Variants in ISM1 observed in about 807,000 individuals in gnomAD.
The protein encoded by ISM1 is isthmin-1.
ISM1 carries 25 observed loss-of-function variants against 46.3 expected under a neutral mutation model. The observed-to-expected ratio is 0.54, with a 90% confidence interval of 0.39 to 0.75. The LOEUF is 0.75. ISM1 is among the 30% of genes least tolerant of loss of function. ISM1 has a pLI of 0.00. For missense variants in ISM1, 536 were observed against 625.4 expected (o/e 0.86, Z 1.52); for synonymous variants, 255 against 256.7 (o/e 0.99, Z 0.06).
the ISM1 span, among the ~76,000 whole-genome samples, chr20:13,312,269 A>C: frequency 6.6e-6 from 1 of 152,166 alleles, no homozygotes; most frequent in South Asian, 2.1e-4. Context: ...TGCACATGTG[A>C]GTTCACAGCC....
At chr20:13,307,410 G>A in the ISM1 span, among the ~76,000 whole-genome samples, 1 of 152,106 alleles carries the variant, frequency 6.6e-6, no homozygotes, top group African/African-American at 2.4e-5. Context: ...AGAAAAAACA[G>A]AATATAAGGC....
rs1374183452 is a variant in ISM1 at position 13,221,556 on chromosome 20, G to A, written c.-221G>A. On this transcript the variant is annotated 5_prime_UTR_variant, in exon 1 of 6. Coordinates refer to ENST00000262487, the MANE Select transcript of ISM1 (RefSeq NM_080826.2). Reference sequence around the variant, plus strand: ...CTCGCGGTGGCTCCGCCGTGGTGCGGCGGCGGCGGCGGCGGCGGCGCCGGC... The same window carrying A: ...CTCGCGGTGGCTCCGCCGTGGTGCGACGGCGGCGGCGGCGGCGGCGCCGGC... 3.0e-4 allele frequency among the ~76,000 whole-genome samples: 43 copies of A among 144,416 alleles called. No individual in the cohort carries two copies. The highest frequency in any genetic ancestry group is 1.0e-3 in the African/African-American group (42 of 40,400). The allele number at this position is 144,416 out of a possible 152,430, so 94.7% of individuals were successfully genotyped here. A position where few individuals can be genotyped will look rare whatever the true frequency, so the allele number is the denominator to read the frequency against.
chr20:13,224,269 T>C (rs1026519776), intron 1 of ISM1, among the ~76,000 whole-genome samples: 3 of 152,206 alleles, frequency 2.0e-5, no homozygotes, highest in African/African-American at 7.2e-5. Context: ...AAAAGTTTTA[T>C]ACTCTTCCTG....
chr20:13,224,747 T>C lies in ISM1; in HGVS notation c.138+2833T>C, dbSNP rs542416960. 2.6e-5 allele frequency among the ~76,000 whole-genome samples: 4 copies of C among 152,194 alleles called. No individual in the cohort carries two copies. The East Asian group carries it at 7.7e-4, about 29-fold the overall frequency. The stretch of plus-strand genomic sequence containing the variant: ...ATATCAAGGACGCCCAATAAAGTAG[T>C]AGTAAGAAAAGCAACAATAATAGTT... On this transcript the variant is annotated intron_variant, in intron 1 of 5. Coordinates refer to ENST00000262487, the MANE Select transcript of ISM1 (RefSeq NM_080826.2).
chr20:13,278,099 G>A (rs544785146), intron 2 of ISM1, among the ~76,000 whole-genome samples: 1 of 152,278 alleles, frequency 6.6e-6, no homozygotes, highest in Admixed American at 6.5e-5. Context: ...GCATGTTTCT[G>A]ATTCATTTGC....
At chr20:13,315,619 T>C in the ISM1 span, among the ~76,000 whole-genome samples, 14 of 152,112 alleles carry the variant, frequency 9.2e-5, no homozygotes, top group African/African-American at 2.4e-4. Flanking sequence ...TCCCTCATAG[T>C]TGAACTCAAC....
chr20:13,322,128 T>C, the ISM1 span, among the ~76,000 whole-genome samples: 14 of 152,242 alleles, frequency 9.2e-5, no homozygotes, highest in African/African-American at 3.4e-4. Context: ...CATTTTTTAA[T>C]GTCGTAAAGA....
downstream of ISM1, among the ~76,000 whole-genome samples, chr20:13,302,418 G>A (rs2040465962): frequency 6.6e-6 from 1 of 152,132 alleles, no homozygotes; most frequent in Admixed American, 6.5e-5. Flanking sequence ...ATGCTTTAGT[G>A]GGCCAATGAG....
At chr20:13,232,127 A>T (rs1320225793) in intron 1 of ISM1, among the ~76,000 whole-genome samples, 1 of 152,218 alleles carries the variant, frequency 6.6e-6, no homozygotes, top group Non-Finnish European at 1.5e-5. Context: ...CAGGAGGAGA[A>T]GAGTGGCAGT....
intron 1 of ISM1, chr20:13,239,582 G>A (rs552052974): frequency 6.6e-6 from 1 of 152,282 alleles, no homozygotes; most frequent in South Asian, 2.1e-4. Flanking sequence ...CACATGACAG[G>A]TACTCACATA....
Position 13,299,187 on chromosome 20 carries a change from C to T in ISM1, c.1123C>T (p.Leu375=). The change falls in exon 6 of 6, where the codon CTG becomes TTG. Residue 375 remains leucine, a synonymous_variant. Transcript: ENST00000262487. The surrounding 1 kb of genome is among the most constrained non-coding windows in gnomAD (Gnocchi z 5.8). The part of the protein sequence containing the change: ...ARYCIRSMLS[L]ESTTLAAQHC... ...GTACTGCATCCGCTCCATGCTGTCC[C>T]TGGAGAGCACCACGCTGGCGGCACA... 1 of 1,606,184 alleles carries T rather than the reference C, an allele frequency of 6.2e-7. No individual in the cohort carries two copies. The highest frequency in any genetic ancestry group is 1.1e-5 in the South Asian group (1 of 89,834).
At chr20:13,257,794 G>A (rs1394030795) in intron 1 of ISM1, among the ~76,000 whole-genome samples, 1 of 151,976 alleles carries the variant, frequency 6.6e-6, no homozygotes, top group African/African-American at 2.4e-5. Flanking sequence ...ACAGTGTACT[G>A]TGGGCCAGTG....
intron 3 of ISM1, among the ~76,000 whole-genome samples, chr20:13,280,188 C>T (rs888206236): frequency 1.3e-5 from 2 of 151,328 alleles, no homozygotes; most frequent in Non-Finnish European, 2.9e-5. Flanking sequence ...CCTCAAATTT[C>T]AGTTTTATTT....
chr20:13,266,223 T>C (rs934699235), intron 1 of ISM1, among the ~76,000 whole-genome samples: 3 of 152,114 alleles, frequency 2.0e-5, no homozygotes, highest in African/African-American at 4.8e-5. Flanking sequence ...GGACTAGACA[T>C]TGGGCAGGCA....
At chr20:13,232,300 T>G (rs958574639) in intron 1 of ISM1, among the ~76,000 whole-genome samples, 3 of 152,224 alleles carry the variant, frequency 2.0e-5, no homozygotes, top group Non-Finnish European at 4.4e-5. Flanking sequence ...TTCCTTGTGC[T>G]CCTCTGTGAG....
chr20:13,318,206 T>C, the ISM1 span, among the ~76,000 whole-genome samples: 4 of 151,494 alleles, frequency 2.6e-5, 1 homozygote, highest in African/African-American at 9.7e-5. Flanking sequence ...AAAGAAGATA[T>C]ACAGATGGCA....
intron 2 of ISM1, among the ~76,000 whole-genome samples, chr20:13,273,167 C>T (rs1431787716): frequency 6.7e-6 from 1 of 148,980 alleles, no homozygotes; most frequent in Non-Finnish European, 1.5e-5. Flanking sequence ...CTAGATAAAT[C>T]CATCTGTCTG....
Position 13,274,079 on chromosome 20 carries a change from A to G in ISM1, c.378+3336A>G, listed in dbSNP as rs62201514. Among the ~76,000 whole-genome samples, 189 of 85,554 alleles carry G rather than the reference A, an allele frequency of 2.2e-3. 4 individuals carry two copies. The East Asian group carries it at 0.04, about 18-fold the overall frequency. The allele number at this position is 85,554 out of a possible 152,430, so 56.1% of individuals were successfully genotyped here. A position where few individuals can be genotyped will look rare whatever the true frequency, so the allele number is the denominator to read the frequency against. On this transcript the variant is annotated intron_variant, in intron 2 of 5. Transcript: ENST00000262487. ...TGTAATTGTGTGTGTGTGTGTGTGTATGTGTGCATGTGCATGCACACAAAC... is the reference window on the plus strand; with the variant it reads ...TGTAATTGTGTGTGTGTGTGTGTGTGTGTGTGCATGTGCATGCACACAAAC...
Position 13,291,836 on chromosome 20 carries a change from C to G in ISM1, c.788-538C>G, listed in dbSNP as rs565239656. On this transcript the variant is annotated intron_variant, in intron 4 of 5. Coordinates refer to ENST00000262487, the MANE Select transcript of ISM1 (RefSeq NM_080826.2). ...AAGGGAAAACTACCACCTAACACTT[C>G]CCACTTGCTGCTCTAAGTACTTTCT... Among the ~76,000 whole-genome samples, 22 of 152,308 alleles carry G rather than the reference C, an allele frequency of 1.4e-4. No individual in the cohort carries two copies. In the South Asian group the frequency reaches 4.6e-3, roughly 32 times the overall value.
Sources: allele counts gnomAD v4.1 joint callset (sites outside exome capture counted in the v4.1 genomes callset), GRCh38; gene constraint gnomAD v4.1.1; non-coding constraint Gnocchi (gnomAD v3.1); transcripts MANE v1.5; gene names NCBI Gene and HGNC (gene_info 2026-07-23, HGNC 2026-07-21).